The following F13B variants were observed in gnomAD, a reference collection of about 807,000 sequenced individuals.
F13B encodes TGase.
Under a neutral mutation model 79.8 loss-of-function variants are expected in F13B, and 58 were observed. The observed-to-expected ratio is 0.73, with a 90% CI of 0.59 to 0.90. F13B has a LOEUF of 0.90. Ranked by LOEUF, F13B falls within the 40% of genes least tolerant of loss-of-function variation. The pLI is 0.00. For synonymous variants in F13B, 283 were observed against 260.3 expected (o/e 1.09, Z -0.84); for missense variants, 773 against 777.0 (o/e 0.99, Z 0.06).
intron 1 of F13B, among the ~76,000 whole-genome samples, chr1:197,065,260 G>A (rs1054168229): frequency 6.6e-6 from 1 of 152,052 alleles, no homozygotes; most frequent in African/African-American, 2.4e-5. Context: ...CTCTGTCCTG[G>A]GACATCTCCC....
rs755665987 is a variant in F13B, at chr1:197,055,776, CAGTA to C, written c.1289_1292del (p.Leu430Ter). On this transcript the variant is annotated frameshift_variant, in exon 8 of 12. Transcript: ENST00000367412. LOFTEE classifies it high-confidence loss of function. ...CGCAACGAGATATTTTTGATCCCCT[CAGTA>C]AGTAATATTCATTGCATCTATATTC... The C allele has an allele frequency of 2.5e-6, 4 of 1,613,638 alleles. No homozygotes were observed. Among genetic ancestry groups the C allele is most frequent in the Admixed American group, 1.7e-5 (1 of 59,900 alleles).
At chr1:197,043,862 T>C (rs1655128920) in intron 10 of F13B, among the ~76,000 whole-genome samples, 1 of 151,998 alleles carries the variant, frequency 6.6e-6, no homozygotes, top group South Asian at 2.1e-4. Context: ...GAAATGTACA[T>C]TTTAAAAGAT....
intron 10 of F13B, among the ~76,000 whole-genome samples, chr1:197,047,836 T>C (rs1474167504): frequency 6.6e-6 from 1 of 152,146 alleles, no homozygotes; most frequent in African/African-American, 2.4e-5. Context: ...TCATGCCCTT[T>C]GCAGGGACAT....
intron 4 of F13B, 42 bp downstream of exon 4, chr1:197,060,857 C>T (rs1558311361): frequency 6.4e-7 from 1 of 1,569,472 alleles, no homozygotes; most frequent in East Asian, 2.2e-5. Flanking sequence ...TGAGAAAAAG[C>T]TTTCAGAGTG....
At chr1:197,067,119 G>A in intron 1 of F13B, 41 bp downstream of exon 1, 1 of 1,181,478 alleles carries the variant, frequency 8.5e-7, no homozygotes, top group African/African-American at 1.5e-5. Flanking sequence ...ATCTCCATTT[G>A]TATGTTTTAG....
In F13B at chr1:197,057,551, A is replaced by T. The variant is rs531594731; in HGVS notation, c.806-86T>A. 2.2e-6 allele frequency: 3 copies of T among 1,363,046 alleles called. 1 individual carries two copies. In the South Asian group the frequency reaches 3.8e-5, roughly 17 times the overall value. The allele number at this position is 1,363,046 out of a possible 1,614,324, so 84.4% of individuals were successfully genotyped here. ...AATTAAAATATTCATCATGTCAAGC[A>T]TCATAGAGAGAATGGCAGACTGATT... On this transcript the variant is annotated intron_variant, in intron 5 of 11. Transcript: ENST00000367412.
chr1:197,042,671 A>T (rs1265655050), intron 10 of F13B, among the ~76,000 whole-genome samples: 1 of 139,556 alleles, frequency 7.2e-6, no homozygotes. Context: ...AAAAAAAAAA[A>T]TAGCCGGGCA....
At chr1:197,056,979 G>C in intron 7 of F13B, 34 bp downstream of exon 7, 1 of 1,607,916 alleles carries the variant, frequency 6.2e-7, no homozygotes, top group South Asian at 1.1e-5. Context: ...TACACCATAA[G>C]TTTAGCTACT....
chr1:197,045,169 G>A (rs1159012760), intron 10 of F13B, among the ~76,000 whole-genome samples: 1 of 152,058 alleles, frequency 6.6e-6, no homozygotes, highest in Non-Finnish European at 1.5e-5. Context: ...GAGCAGAACT[G>A]AAGGAAATAG....
At chr1:197,055,676 A>G in intron 8 of F13B, 39 bp downstream of exon 8, 1 of 1,596,966 alleles carries the variant, frequency 6.3e-7, no homozygotes, top group Non-Finnish European at 8.6e-7. Context: ...AATCACATAA[A>G]AGTACAAACG....
intron 1 of F13B, among the ~76,000 whole-genome samples, chr1:197,064,328 GA>G (rs565892685): frequency 2.6e-5 from 4 of 152,024 alleles, no homozygotes; most frequent in East Asian, 3.9e-4. Context: ...AAAAGACATG[GA>G]AAAAAATGCT....
At chr1:197,041,701 G>C (rs1655042582) in intron 10 of F13B, among the ~76,000 whole-genome samples, 1 of 152,038 alleles carries the variant, frequency 6.6e-6, no homozygotes, top group Non-Finnish European at 1.5e-5. Flanking sequence ...CATTCTTTTG[G>C]AACATGTTTC....
intron 10 of F13B, among the ~76,000 whole-genome samples, chr1:197,046,976 G>C (rs1655256172): frequency 6.6e-6 from 1 of 152,032 alleles, no homozygotes; most frequent in African/African-American, 2.4e-5. Flanking sequence ...GCTGAAACTG[G>C]ATCACTTCCT....
chr1:197,041,731 C>T (rs193294082), intron 10 of F13B, among the ~76,000 whole-genome samples: 1 of 152,306 alleles, frequency 6.6e-6, no homozygotes, highest in East Asian at 1.9e-4. Context: ...CTTCTGCCCA[C>T]AAATTTAATG....
chr1:197,046,145 G>A (rs1655220905), intron 10 of F13B, among the ~76,000 whole-genome samples: 1 of 152,178 alleles, frequency 6.6e-6, no homozygotes, highest in Non-Finnish European at 1.5e-5. Flanking sequence ...ATTCAACATA[G>A]TGTTGGAAGT....
chr1:197,060,740 G>A (rs1655823920), intron 4 of F13B, among the ~76,000 whole-genome samples, 159 bp downstream of exon 4: 1 of 152,096 alleles, frequency 6.6e-6, no homozygotes, highest in East Asian at 1.9e-4. Context: ...TATTCTACTT[G>A]AGAGCTTTAA....
chr1:197,047,695 T>C (rs939298304), intron 10 of F13B, among the ~76,000 whole-genome samples: 1 of 152,200 alleles, frequency 6.6e-6, no homozygotes, highest in Non-Finnish European at 1.5e-5. Flanking sequence ...TGCACAGATA[T>C]GTTTTTTGCA....
In F13B at chr1:197,067,194, G is replaced by T; in HGVS notation, c.30C>A (p.Ile10=). MRLKNLTFI[I]ILIISGELYA... ...AGAGTTCTCCTGAGATTATCAATAT[G>T]ATGATAAAAGTCAGGTTTTTCAACC... The change falls in exon 1 of 12, where the codon ATC becomes ATA. Residue 10 remains isoleucine (I), a synonymous_variant. Coordinates refer to ENST00000367412, the MANE Select transcript of F13B (RefSeq NM_001994.3). The T allele has an allele frequency of 1.2e-6, 2 of 1,608,498 alleles. No individual in the cohort carries two copies. Among genetic ancestry groups the T allele is most frequent in the Non-Finnish European group, 1.7e-6 (2 of 1,175,608 alleles).
chr1:197,062,946 C>G lies in F13B; in HGVS notation c.176G>C (p.Cys59Ser). 6.2e-7 allele frequency: 1 copy of G among 1,613,828 alleles called. No homozygotes were observed. Residue 59 changes from cysteine (C) to serine (S), a missense_variant, in exon 2 of 12, where the codon TGC becomes TCC. Physicochemically the swap from Cys to Ser is moderately radical, Grantham distance 112. Coordinates refer to ENST00000367412, the MANE Select transcript of F13B (RefSeq NM_001994.3). ...MSIDKKLSFFCLAGYTTESGR... is the reference protein window; with the variant it reads ...MSIDKKLSFFSLAGYTTESGR... ...ACTTTCAGTGGTATAACCAGCCAAG[C>G]AGAAAAATGACAATTTTTTGTCTAT...
Sources: gnomAD v4.1 joint callset for allele counts (sites outside exome capture counted in the v4.1 genomes callset) on GRCh38, gnomAD v4.1.1 for gene constraint, MANE v1.5 for transcripts, NCBI Gene and HGNC (gene_info 2026-07-23, HGNC 2026-07-21) for gene names.